The following JPH3 variants were observed in gnomAD, a reference collection of about 807,000 sequenced individuals.
The protein encoded by JPH3 is junctophilin 3, also known as junctophilin-3.
JPH3 carries 11 observed loss-of-function variants against 59.6 expected under a neutral mutation model. That is an observed-to-expected ratio of 0.18 (90% CI 0.12 to 0.31). The LOEUF is 0.31. JPH3 is among the 10% of genes least tolerant of loss of function. The pLI is 1.00. For synonymous variants in JPH3, 673 were observed against 483.6 expected (o/e 1.39, Z -5.14); for missense variants, 1,202 against 1,105.7 (o/e 1.09, Z -1.24).
intron 2 of JPH3, among the ~76,000 whole-genome samples, chr16:87,671,417 G>A (rs2033012306): frequency 1.3e-5 from 2 of 152,198 alleles, no homozygotes; most frequent in African/African-American, 2.4e-5. Flanking sequence ...CCAGGCTCAT[G>A]TGCCAGGTGA....
At chr16:87,669,673 A>G (rs1183282712) in intron 2 of JPH3, among the ~76,000 whole-genome samples, 4 of 152,160 alleles carry the variant, frequency 2.6e-5, no homozygotes, top group Non-Finnish European at 5.9e-5. Context: ...AGGCCGGGAC[A>G]GTGTGAGGGC....
At chr16:87,668,820 G>A (rs2032941109) in intron 2 of JPH3, among the ~76,000 whole-genome samples, 1 of 152,118 alleles carries the variant, frequency 6.6e-6, no homozygotes. Context: ...CAGTGAAAAT[G>A]GGGAGGGATG....
At chr16:87,620,492 G>GGAGAGGAGAGAGGGAGA (rs1567585004) in intron 1 of JPH3, among the ~76,000 whole-genome samples, 1 of 65,752 alleles carries the variant, frequency 1.5e-5, no homozygotes, top group East Asian at 6.6e-4. Flanking sequence ...AGAGGGAGAG[G>GGAGAGGAGAGAGGGAGA]GGGAGGGGAA....
chr16:87,684,396 C>T, intron 3 of JPH3, 130 bp downstream of exon 3: 2 of 1,389,914 alleles, frequency 1.4e-6, no homozygotes, highest in Non-Finnish European at 1.9e-6. Flanking sequence ...GCTCCCCTGC[C>T]CGGTGTCTTC....
chr16:87,603,723 C>T (rs886982438), intron 1 of JPH3, among the ~76,000 whole-genome samples, 195 bp downstream of exon 1: 1 of 152,224 alleles, frequency 6.6e-6, no homozygotes, highest in African/African-American at 2.4e-5. Context: ...GGACAGTGCC[C>T]CTGTGCCAGC....
At chr16:87,683,365 C>T (rs1389329364) in intron 2 of JPH3, among the ~76,000 whole-genome samples, 6 of 151,670 alleles carry the variant, frequency 4.0e-5, no homozygotes, top group Non-Finnish European at 5.9e-5. Flanking sequence ...AGTGCAATGG[C>T]GTGATCTCCG....
chr16:87,644,686 G>T lies in JPH3; in HGVS notation c.811G>T (p.Ala271Ser). 6.2e-7 allele frequency: 1 copy of T among 1,612,054 alleles called. No individual in the cohort carries two copies. The highest frequency in any genetic ancestry group is 8.5e-7 in the Non-Finnish European group (1 of 1,179,910). Residue 271 changes from alanine to serine, a missense_variant, in exon 2 of 5, where the codon GCC becomes TCC. By Grantham distance (99) the Ala-to-Ser change is moderately conservative. Coordinates refer to ENST00000284262, the MANE Select transcript of JPH3 (RefSeq NM_020655.4). ...HSTISLGEAE[A>S]ELAVIEDDID... ...CACCATCAGCCTGGGCGAGGCTGAG[G>T]CCGAGCTGGCGGTCATCGAGGACGA...
At chr16:87,667,556 C>T (rs2032902551) in intron 2 of JPH3, among the ~76,000 whole-genome samples, 2 of 152,140 alleles carry the variant, frequency 1.3e-5, no homozygotes, top group African/African-American at 2.4e-5. Context: ...GGTGGGTTCA[C>T]GGGCACAGGA....
Position 87,696,936 on chromosome 16 carries a change from A to T in JPH3, c.*276A>T. 2.3e-6 allele frequency: 1 copy of T among 443,110 alleles called. No homozygotes were observed. Among genetic ancestry groups the T allele is most frequent in the South Asian group, 2.2e-5 (1 of 45,808 alleles). The allele number at this position is 443,110 out of a possible 1,614,324, so 27.4% of individuals were successfully genotyped here. A position where few individuals can be genotyped will look rare whatever the true frequency, so the allele number is the denominator to read the frequency against. The stretch of plus-strand genomic sequence containing the variant: ...ACGCAGCCCCTCCAGCTCCACGTGG[A>T]GACAGAAGGGATCCCGGCACATCAG... On this transcript the variant is annotated 3_prime_UTR_variant, in exon 5 of 5. Transcript: ENST00000284262.
chr16:87,680,186 T>G (rs1324585565), intron 2 of JPH3, among the ~76,000 whole-genome samples: 1 of 152,260 alleles, frequency 6.6e-6, no homozygotes, highest in Non-Finnish European at 1.5e-5. Flanking sequence ...GAGGCTGGCT[T>G]CCTCTGGCGG....
intron 1 of JPH3, chr16:87,604,788 G>A (rs2030451756): frequency 5.3e-6 from 2 of 375,312 alleles, no homozygotes; most frequent in Non-Finnish European, 7.3e-6. Flanking sequence ...ATTACCCGAA[G>A]AGGAGGAGGA....
At chr16:87,669,777 G>C (rs1398040588) in intron 2 of JPH3, among the ~76,000 whole-genome samples, 3 of 152,182 alleles carry the variant, frequency 2.0e-5, no homozygotes, top group Non-Finnish European at 2.9e-5. Context: ...GGAAGTCCAA[G>C]AGCAGTCACT....
chr16:87,649,343 C>G (rs1260963923), intron 2 of JPH3, among the ~76,000 whole-genome samples: 1 of 152,248 alleles, frequency 6.6e-6, no homozygotes, highest in East Asian at 1.9e-4. Flanking sequence ...GTTTTCATGA[C>G]TCATCTCCTG....
In JPH3 at chr16:87,697,000, G is replaced by A. The variant is rs1042963176; in HGVS notation, c.*340G>A. 3.9e-5 allele frequency: 13 copies of A among 336,832 alleles called. No individual in the cohort carries two copies. In the East Asian group the frequency reaches 4.3e-4, roughly 11 times the overall value. The allele number at this position is 336,832 out of a possible 1,614,324, so 20.9% of individuals were successfully genotyped here. A position where few individuals can be genotyped will look rare whatever the true frequency, so the allele number is the denominator to read the frequency against. ...CGTTGTCCTCGTGGTCACACGTCCCGTCTTGGGTGTGGATGGAGGGCAGCC... is the reference window on the plus strand; with the variant it reads ...CGTTGTCCTCGTGGTCACACGTCCCATCTTGGGTGTGGATGGAGGGCAGCC... On this transcript the variant is annotated 3_prime_UTR_variant, in exon 5 of 5. Transcript: ENST00000284262.
intron 4 of JPH3, 39 bp downstream of exon 4, chr16:87,690,565 A>C (rs1397732098): frequency 7.0e-7 from 1 of 1,435,852 alleles, no homozygotes; most frequent in Non-Finnish European, 9.1e-7. Context: ...AGTGGAGGCA[A>C]CATCCACCTC....
intron 1 of JPH3, among the ~76,000 whole-genome samples, chr16:87,618,475 G>A (rs1245945486): frequency 2.6e-5 from 4 of 152,122 alleles, no homozygotes; most frequent in Non-Finnish European, 4.4e-5. Context: ...CTACAGCCCC[G>A]AGAGGCCAGG....
intron 1 of JPH3, among the ~76,000 whole-genome samples, chr16:87,618,161 C>G (rs1435918627): frequency 2.0e-5 from 3 of 151,688 alleles, no homozygotes; most frequent in African/African-American, 7.3e-5. Context: ...GAGACGCTGT[C>G]TCAAAAAAAT....
intron 2 of JPH3, among the ~76,000 whole-genome samples, chr16:87,658,623 G>GA (rs2032590441): frequency 6.6e-6 from 1 of 152,142 alleles, no homozygotes; most frequent in Non-Finnish European, 1.5e-5. Flanking sequence ...TGATGTCGTG[G>GA]AGGGCAGGCC....
intron 1 of JPH3, among the ~76,000 whole-genome samples, chr16:87,633,606 C>T (rs1411586923): frequency 6.6e-6 from 1 of 151,988 alleles, no homozygotes; most frequent in African/African-American, 2.4e-5. Context: ...TGAGACCAGC[C>T]TGGCCAACAT....
Sources: allele counts gnomAD v4.1 joint callset (sites outside exome capture counted in the v4.1 genomes callset), GRCh38; gene constraint gnomAD v4.1.1; transcripts MANE v1.5; gene names NCBI Gene and HGNC (gene_info 2026-07-23, HGNC 2026-07-21).